Variants in SNAP47 observed in about 807,000 individuals in gnomAD.
SNAP47 encodes synaptosome associated protein 47.
A neutral mutation model predicts 31.4 loss-of-function variants in SNAP47; 20 were observed. That is an observed-to-expected ratio of 0.64 (90% CI 0.45 to 0.93). SNAP47 has a LOEUF of 0.93. Among genes scored for constraint, SNAP47 ranks in the 40% least tolerant of loss-of-function variants. SNAP47 has a pLI of 0.00. For missense variants in SNAP47, 492 were observed against 528.5 expected, an observed-to-expected ratio of 0.93 and a Z score of 0.68; for synonymous variants, 194 against 213.4, an observed-to-expected ratio of 0.91 and a Z score of 0.79.
chr1:227,732,082 A>G (rs1226923415), upstream of SNAP47: 3 of 473,768 alleles, frequency 6.3e-6, no homozygotes, highest in African/African-American at 3.9e-5. Flanking sequence ...CACACCAGAC[A>G]CAGACTCCTG....
Position 227,780,627 on chromosome 1 carries a change from C to A in SNAP47, c.1214C>A (p.Thr405Asn). Residue 405 changes from threonine (T) to asparagine (N), a missense_variant, in exon 5 of 5, where the codon ACC becomes AAC. Coordinates refer to ENST00000617596, the MANE Select transcript of SNAP47 (RefSeq NM_053052.4). The part of the protein sequence containing the change: ...DGVAAAVDRA[T>N]LTIDKHNRRM... ...GTTGCAGCAGCTGTGGACAGGGCAA[C>A]CTTGACCATCGACAAGCACAACAGG... 1 of 1,614,198 alleles carries A rather than the reference C, an allele frequency of 6.2e-7. No homozygotes were observed. The highest frequency in any genetic ancestry group is 8.5e-7 in the Non-Finnish European group (1 of 1,180,036).
chr1:227,773,778 G>A (rs911717066), intron 4 of SNAP47, among the ~76,000 whole-genome samples: 5 of 152,182 alleles, frequency 3.3e-5, no homozygotes, highest in Non-Finnish European at 5.9e-5. Flanking sequence ...GGTGTGCCCC[G>A]CTACACAGCC....
chr1:227,735,442 A>G lies in SNAP47; in HGVS notation c.-103A>G. The G allele has an allele frequency of 6.8e-7, 1 of 1,463,828 alleles. No homozygotes were observed. 90.7% of individuals were successfully genotyped at this position (1,463,828 alleles called of 1,614,324 possible). On this transcript the variant is annotated 5_prime_UTR_variant, in exon 1 of 5. Coordinates refer to ENST00000617596, the MANE Select transcript of SNAP47 (RefSeq NM_053052.4). The stretch of plus-strand genomic sequence containing the variant: ...CGGCTCGCCGCGGTCTTCACTGCGC[A>G]GGCGCCGAGCGGCCGAGGCGCCGCG...
At chr1:227,761,201 C>T (rs1031606299) in intron 3 of SNAP47, among the ~76,000 whole-genome samples, 3 of 152,160 alleles carry the variant, frequency 2.0e-5, no homozygotes, top group African/African-American at 7.2e-5. Flanking sequence ...TAATTTTTCT[C>T]TTAAGAGAAA....
intron 4 of SNAP47, among the ~76,000 whole-genome samples, chr1:227,773,127 A>T (rs1310590879): frequency 2.0e-5 from 2 of 102,368 alleles, no homozygotes; most frequent in African/African-American, 4.1e-5. Flanking sequence ...CGTCCAGCTA[A>T]TTTTTTTTTT....
chr1:227,780,717 C>T lies in SNAP47; in HGVS notation c.*44C>T. 6.2e-7 allele frequency: 1 copy of T among 1,610,496 alleles called. No individual in the cohort carries two copies. The highest frequency in any genetic ancestry group is 8.5e-7 in the Non-Finnish European group (1 of 1,177,874). On this transcript the variant is annotated 3_prime_UTR_variant, in exon 5 of 5. Transcript: ENST00000617596. Reference sequence around the variant, plus strand: ...TTCCTGTCTCACCCTGCACATCCCGCTGAGATGGAGGGCTGGGCGGCAGTG... The same window carrying T: ...TTCCTGTCTCACCCTGCACATCCCGTTGAGATGGAGGGCTGGGCGGCAGTG...
intron 1 of SNAP47, among the ~76,000 whole-genome samples, chr1:227,736,656 T>C (rs1289244208): frequency 6.6e-6 from 1 of 151,048 alleles, no homozygotes; most frequent in Non-Finnish European, 1.5e-5. Context: ...TGAGCCACTA[T>C]GCCCAGCTTA....
intron 1 of SNAP47, among the ~76,000 whole-genome samples, chr1:227,739,754 C>T (rs1016923426): frequency 3.3e-5 from 5 of 152,240 alleles, no homozygotes; most frequent in Non-Finnish European, 7.3e-5. Context: ...TGCAGACTTC[C>T]TCCCCAAGAG....
At position 227,741,238 on chromosome 1, in the gene SNAP47, C is replaced by T. The variant is rs997576931; in HGVS notation, c.-46+5739C>T. On this transcript the variant is annotated intron_variant, in intron 1 of 4. Coordinates refer to ENST00000617596, the MANE Select transcript of SNAP47 (RefSeq NM_053052.4). The surrounding 1 kb of genome is among the most constrained non-coding windows in gnomAD (Gnocchi z 4.2). ...CTTGGGGGTGATGTTGAGTTTCTGG[C>T]CTGTGTTGTCTCACCTGGAAAAAGA... is the stretch of plus-strand genomic sequence containing the variant. 2.6e-5 allele frequency among the ~76,000 whole-genome samples: 4 copies of T among 152,032 alleles called. No homozygotes were observed. Among genetic ancestry groups the T allele is most frequent in the Non-Finnish European group, 5.9e-5 (4 of 68,002 alleles).
intron 1 of SNAP47, among the ~76,000 whole-genome samples, chr1:227,736,879 A>G (rs1661241325): frequency 6.6e-6 from 1 of 151,974 alleles, no homozygotes; most frequent in Non-Finnish European, 1.5e-5. Flanking sequence ...GTAGTCCTCG[A>G]GACGGGCAGT....
chr1:227,760,030 G>A (rs1007518136), intron 3 of SNAP47, among the ~76,000 whole-genome samples: 4 of 152,208 alleles, frequency 2.6e-5, no homozygotes, highest in African/African-American at 9.7e-5. Context: ...GCCCTTGGTG[G>A]AAGCCAGGGC....
chr1:227,780,433 C>G, intron 4 of SNAP47, 94 bp from the exon 5 acceptor site: 1 of 1,548,438 alleles, frequency 6.5e-7, no homozygotes, highest in South Asian at 1.2e-5. Flanking sequence ...GGTGGTAACG[C>G]AAAGGCTCTT....
At chr1:227,734,084 C>A (rs774266912), upstream of SNAP47, 2 of 1,587,586 alleles carry the variant, frequency 1.3e-6, no homozygotes, top group Admixed American at 3.5e-5. Flanking sequence ...CACGAGGAGA[C>A]TAGGGCAGCA....
intron 3 of SNAP47, 100 bp downstream of exon 3, chr1:227,759,585 A>G: frequency 6.7e-7 from 1 of 1,483,148 alleles, no homozygotes; most frequent in Non-Finnish European, 9.1e-7. Flanking sequence ...CGTCACCTAG[A>G]GCAGCTGCTG....
upstream of SNAP47, chr1:227,732,083 C>A (rs1424182020): frequency 8.4e-6 from 4 of 476,540 alleles, no homozygotes; most frequent in African/African-American, 5.8e-5. Context: ...ACACCAGACA[C>A]AGACTCCTGT....
At position 227,763,399 on chromosome 1, in the gene SNAP47, TGCACAGCA is replaced by T. The variant is rs2102965380; in HGVS notation, c.989-3555_989-3548del. Among the ~76,000 whole-genome samples the T allele has an allele frequency of 1.3e-5, 2 of 152,352 alleles. No homozygotes were observed. Among genetic ancestry groups the T allele is most frequent in the East Asian group, 3.9e-4 (2 of 5,178 alleles). The stretch of plus-strand genomic sequence containing the variant: ...TGCTTCCCCGGGCCGTGTGTCTGTC[TGCACAGCA>T]GCACCAGCAGCAGGACAGGGCAGGA... On this transcript the variant is annotated intron_variant, in intron 3 of 4. Coordinates refer to ENST00000617596, the MANE Select transcript of SNAP47 (RefSeq NM_053052.4). This position sits in a 1 kb window ranked among gnomAD's most constrained non-coding sequence, Gnocchi z 4.2.
chr1:227,753,138 A>G (rs1662483909), intron 2 of SNAP47, among the ~76,000 whole-genome samples: 1 of 152,158 alleles, frequency 6.6e-6, no homozygotes. Flanking sequence ...CATTTTCTCA[A>G]TCCATCCGTC....
chr1:227,742,641 G>C (rs933739000), intron 1 of SNAP47, among the ~76,000 whole-genome samples: 16 of 152,224 alleles, frequency 1.1e-4, no homozygotes, highest in Non-Finnish European at 1.6e-4. Context: ...ACCGTGTCTA[G>C]CTCTCTGTAT....
At chr1:227,770,688 C>T (rs1245419580) in intron 4 of SNAP47, 2 of 154,742 alleles carry the variant, frequency 1.3e-5, no homozygotes, top group African/African-American at 4.8e-5. Context: ...GTGTCCTCTC[C>T]TAGTCAGGGG....
Sources: allele counts gnomAD v4.1 joint callset (sites outside exome capture counted in the v4.1 genomes callset), GRCh38; gene constraint gnomAD v4.1.1; non-coding constraint Gnocchi (gnomAD v3.1); transcripts MANE v1.5; gene names NCBI Gene and HGNC (gene_info 2026-07-23, HGNC 2026-07-21).